LEPROT: variants seen among roughly 807,000 people sequenced by gnomAD.
LEPROT encodes leptin receptor gene-related protein.
Under a neutral mutation model 15.4 loss-of-function variants are expected in LEPROT, and 3 were observed. The ratio of observed to expected loss-of-function variants is 0.19; its 90% CI spans 0.09 to 0.50. LEPROT has a LOEUF of 0.50. Ranked by LOEUF, LEPROT falls within the 20% of genes least tolerant of loss-of-function variation. The probability of loss-of-function intolerance (pLI) is 0.97; values close to 1 mark genes in which losing one functional copy is unlikely to be tolerated. For synonymous variants in LEPROT, 59 were observed against 57.5 expected, an observed-to-expected ratio of 1.03 and a Z score of -0.12; for missense variants, 137 against 162.2, an observed-to-expected ratio of 0.84 and a Z score of 0.84.
chr1:65,431,764 A>G, intron 3 of LEPROT, 39 bp from the exon 4 acceptor site: 1 of 1,596,222 alleles, frequency 6.3e-7, no homozygotes, highest in Non-Finnish European at 8.5e-7. Context: ...TACAATATGA[A>G]GGAAGTAAGG....
At chr1:65,429,759 C>T in intron 2 of LEPROT, 103 bp from the exon 3 acceptor site, 8 of 1,029,324 alleles carry the variant, frequency 7.8e-6, no homozygotes, top group African/African-American at 3.2e-5. Flanking sequence ...ATTTTTTGAC[C>T]TAAACATTTA....
chr1:65,431,482 C>G lies in LEPROT; in HGVS notation c.280-321C>G, dbSNP rs184576921. Among the ~76,000 whole-genome samples, 23 of 152,342 alleles carry G rather than the reference C, an allele frequency of 1.5e-4. No individual in the cohort carries two copies. In the East Asian group the frequency reaches 4.4e-3, roughly 29 times the overall value. On this transcript the variant is annotated intron_variant, in intron 3 of 3. Coordinates refer to ENST00000371065, the MANE Select transcript of LEPROT (RefSeq NM_017526.5). ...AAGAAGTTGATGTGTGCAGAACTTT[C>G]AGTACCCAATATTGTAATTGCACTA...
In LEPROT at chr1:65,432,216, A is replaced by G. The variant is rs1570436781; in HGVS notation, c.*297A>G. ...CTTGTAGGCAGCTGCCACCTTATGC[A>G]GTGCATCGAAACCTTTTGCTTGGGG... On this transcript the variant is annotated 3_prime_UTR_variant, in exon 4 of 4. Transcript: ENST00000371065. The G allele has an allele frequency of 1.9e-6, 2 of 1,036,684 alleles. No homozygotes were observed. The highest frequency in any genetic ancestry group is 1.7e-5 in the African/African-American group (1 of 58,300). 64.2% of individuals were successfully genotyped at this position (1,036,684 alleles called of 1,614,324 possible). A position where few individuals can be genotyped will look rare whatever the true frequency, so the allele number is the denominator to read the frequency against.
In LEPROT at chr1:65,434,809, C is replaced by T; in HGVS notation, c.*2890C>T. The T allele has an allele frequency of 2.0e-6, 2 of 985,550 alleles. No homozygotes were observed. The highest frequency in any genetic ancestry group is 3.5e-5 in the African/African-American group (2 of 57,358). The allele number at this position is 985,550 out of a possible 1,614,324, so 61.1% of individuals were successfully genotyped here. A position where few individuals can be genotyped will look rare whatever the true frequency, so the allele number is the denominator to read the frequency against. On this transcript the variant is annotated 3_prime_UTR_variant, in exon 4 of 4. Transcript: ENST00000371065. Reference sequence around the variant, plus strand: ...GGGCTCCATCCTCCCTCCTGAGGTTCTTCATATTCCAGAGTCACCCACCCT... The same window carrying T: ...GGGCTCCATCCTCCCTCCTGAGGTTTTTCATATTCCAGAGTCACCCACCCT...
chr1:65,423,715 A>G (rs1034901847), intron 1 of LEPROT, among the ~76,000 whole-genome samples: 2 of 152,226 alleles, frequency 1.3e-5, no homozygotes, highest in Non-Finnish European at 2.9e-5. Flanking sequence ...CCTTCCTATT[A>G]AAGAGTCTCT....
At chr1:65,423,865 A>G (rs1382399656) in intron 1 of LEPROT, among the ~76,000 whole-genome samples, 3 of 152,210 alleles carry the variant, frequency 2.0e-5, no homozygotes, top group Non-Finnish European at 1.5e-5. Flanking sequence ...TTTGATTTCT[A>G]CCTTTATCAA....
Position 65,435,818 on chromosome 1 carries a change from T to C in LEPROT, c.*3899T>C. On this transcript the variant is annotated 3_prime_UTR_variant, in exon 4 of 4. Transcript: ENST00000371065. ...GTAGATAAATATTAGTTGTGCATTT[T>C]AATTTAATTCTCCTTTTTCCATTTT... is the stretch of plus-strand genomic sequence containing the variant. 1.0e-6 allele frequency: 1 copy of C among 982,978 alleles called. No homozygotes were observed. The highest frequency in any genetic ancestry group is 1.2e-6 in the Non-Finnish European group (1 of 827,690). The allele number at this position is 982,978 out of a possible 1,614,324, so 60.9% of individuals were successfully genotyped here.
chr1:65,424,884 C>T (rs1434668718), intron 1 of LEPROT, among the ~76,000 whole-genome samples: 1 of 152,166 alleles, frequency 6.6e-6, no homozygotes, highest in Admixed American at 6.5e-5. Flanking sequence ...CAAAGGTCCA[C>T]CTCCTGATAG....
rs9436736 is a variant in LEPROT, at chr1:65,421,611, C to G, written c.16+871C>G. Reference sequence around the variant, plus strand: ...AGATAGTATATATACGAGTACGCCTCTGTTCACTATGAATTTATCCGAGTA... The same window carrying G: ...AGATAGTATATATACGAGTACGCCTGTGTTCACTATGAATTTATCCGAGTA... On this transcript the variant is annotated intron_variant, in intron 1 of 3. Coordinates refer to ENST00000371065, the MANE Select transcript of LEPROT (RefSeq NM_017526.5). Among the ~76,000 whole-genome samples, 199 of 152,312 alleles carry G rather than the reference C, an allele frequency of 1.3e-3. 2 individuals are homozygous for G. The highest frequency in any genetic ancestry group is 4.6e-3 in the African/African-American group (192 of 41,556).
intron 3 of LEPROT, among the ~76,000 whole-genome samples, 175 bp from the exon 4 acceptor site, chr1:65,431,628 C>T (rs1180032409): frequency 2.6e-5 from 4 of 152,210 alleles, no homozygotes; most frequent in Non-Finnish European, 5.9e-5. Context: ...ACAAGCATCA[C>T]AGAAGTAATT....
intron 2 of LEPROT, among the ~76,000 whole-genome samples, chr1:65,429,254 G>C (rs1217403724): frequency 6.6e-6 from 1 of 152,138 alleles, no homozygotes; most frequent in Admixed American, 6.5e-5. Flanking sequence ...CATGGGGAAG[G>C]ACATTGCAAG....
chr1:65,421,774 G>A (rs1205837464), intron 1 of LEPROT, among the ~76,000 whole-genome samples: 1 of 152,106 alleles, frequency 6.6e-6, no homozygotes, highest in Non-Finnish European at 1.5e-5. Flanking sequence ...GAAAACAGAT[G>A]AAAAGTAGTG....
At chr1:65,428,169 A>G (rs1265687560) in intron 2 of LEPROT, among the ~76,000 whole-genome samples, 1 of 152,166 alleles carries the variant, frequency 6.6e-6, no homozygotes, top group Non-Finnish European at 1.5e-5. Flanking sequence ...CCCCTGGCCT[A>G]TGTATTTATT....
chr1:65,434,319 CTCT>C lies in LEPROT; in HGVS notation c.*2402_*2404del. 1.0e-6 allele frequency: 1 copy of C among 984,736 alleles called. No individual in the cohort carries two copies. The highest frequency in any genetic ancestry group is 1.2e-6 in the Non-Finnish European group (1 of 829,406). 61.0% of individuals were successfully genotyped at this position (984,736 alleles called of 1,614,324 possible). A position where few individuals can be genotyped will look rare whatever the true frequency, so the allele number is the denominator to read the frequency against. ...TGGACATTTTTTTCCTTATAAAAGG[CTCT>C]TTTTTTATATATTGTACAATATATT... On this transcript the variant is annotated 3_prime_UTR_variant, in exon 4 of 4. Coordinates refer to ENST00000371065, the MANE Select transcript of LEPROT (RefSeq NM_017526.5).
At chr1:65,426,858 C>T (rs565174500) in intron 2 of LEPROT, among the ~76,000 whole-genome samples, 167 of 152,250 alleles carry the variant, frequency 1.1e-3, no homozygotes, top group Non-Finnish European at 1.9e-3. Context: ...ATTAGCTGGG[C>T]GTGGTGGCAC....
intron 2 of LEPROT, among the ~76,000 whole-genome samples, chr1:65,428,386 C>A (rs7551385): frequency 2.0e-5 from 3 of 151,990 alleles, no homozygotes; most frequent in Non-Finnish European, 4.4e-5. Flanking sequence ...AAACCCCTTC[C>A]CCTCTCTGTG....
rs1250974169 is a variant in LEPROT at position 65,435,431 on chromosome 1, G to C, written c.*3512G>C. 1 of 654,928 alleles carries C rather than the reference G, an allele frequency of 1.5e-6. No homozygotes were observed. Among genetic ancestry groups the C allele is most frequent in the Non-Finnish European group, 1.9e-6 (1 of 533,084 alleles). The allele number at this position is 654,928 out of a possible 1,614,324, so 40.6% of individuals were successfully genotyped here. On this transcript the variant is annotated 3_prime_UTR_variant, in exon 4 of 4. Coordinates refer to ENST00000371065, the MANE Select transcript of LEPROT (RefSeq NM_017526.5). ...TGCCCAGGCTGGAGTGCAGTGGTGC[G>C]ATCTTGGCTCACTGCAAGCTCCGCC...
At chr1:65,431,221 C>T (rs1410890675) in intron 3 of LEPROT, among the ~76,000 whole-genome samples, 2 of 152,166 alleles carry the variant, frequency 1.3e-5, no homozygotes, top group African/African-American at 4.8e-5. Context: ...CCTTTCAATA[C>T]TGCCATCATA....
At chr1:65,429,758 C>T in intron 2 of LEPROT, 104 bp from the exon 3 acceptor site, 3 of 1,007,228 alleles carry the variant, frequency 3.0e-6, no homozygotes, top group Non-Finnish European at 4.2e-6. Context: ...AATTTTTTGA[C>T]CTAAACATTT....
Sources: gnomAD v4.1 joint callset for allele counts (sites outside exome capture counted in the v4.1 genomes callset) on GRCh38, gnomAD v4.1.1 for gene constraint, MANE v1.5 for transcripts, NCBI Gene and HGNC (gene_info 2026-07-23, HGNC 2026-07-21) for gene names.